PPARGC1A: variants seen among roughly 807,000 people sequenced by gnomAD.
PPARGC1A encodes the protein PPARG coactivator 1 alpha.
Under a neutral mutation model 88.7 loss-of-function variants are expected in PPARGC1A, and 25 were observed. That is an observed-to-expected ratio of 0.28 (90% CI 0.21 to 0.39). The LOEUF is 0.39. PPARGC1A is among the 10% of genes least tolerant of loss of function. PPARGC1A has a pLI of 1.00. For synonymous variants in PPARGC1A, 363 were observed against 355.6 expected, an observed-to-expected ratio of 1.02 and a Z score of -0.24; for missense variants, 880 against 968.7, an observed-to-expected ratio of 0.91 and a Z score of 1.22.
the PPARGC1A span, among the ~76,000 whole-genome samples, chr4:24,457,122 G>C: frequency 1.3e-5 from 2 of 152,172 alleles, no homozygotes; most frequent in African/African-American, 4.8e-5. Flanking sequence ...AGTTTTGCAG[G>C]ATTATGGCAA....
At chr4:24,031,548 G>A in the PPARGC1A span, among the ~76,000 whole-genome samples, 2,501 of 152,264 alleles carry the variant, frequency 0.016, 73 homozygotes, top group African/African-American at 0.057. Context: ...TAGTTGACCC[G>A]AAAACACAAG....
At chr4:24,142,521 A>C in the PPARGC1A span, among the ~76,000 whole-genome samples, 4 of 152,056 alleles carry the variant, frequency 2.6e-5, no homozygotes, top group Admixed American at 6.6e-5. Context: ...TAAAAATACA[A>C]AAATGAGTCA....
chr4:24,249,831 G>T, the PPARGC1A span, among the ~76,000 whole-genome samples: 5 of 152,124 alleles, frequency 3.3e-5, no homozygotes, highest in South Asian at 1.0e-3. Flanking sequence ...AGGTGAAGGG[G>T]GTTGCTGTAA....
chr4:24,368,527 A>C, the PPARGC1A span, among the ~76,000 whole-genome samples: 1 of 152,134 alleles, frequency 6.6e-6, no homozygotes, highest in East Asian at 1.9e-4. Flanking sequence ...GCAATAATGG[A>C]ATCAAATTTG....
chr4:24,455,873 T>A, the PPARGC1A span, among the ~76,000 whole-genome samples: 1 of 152,218 alleles, frequency 6.6e-6, no homozygotes, highest in Non-Finnish European at 1.5e-5. Context: ...GAAATAAATC[T>A]CTGTTTTTTA....
At chr4:24,005,871 C>T in the PPARGC1A span, among the ~76,000 whole-genome samples, 3 of 151,926 alleles carry the variant, frequency 2.0e-5, no homozygotes, top group Non-Finnish European at 4.4e-5. Flanking sequence ...GGGTCGGGGG[C>T]TCAGATTAAG....
At chr4:24,451,779 C>T in the PPARGC1A span, among the ~76,000 whole-genome samples, 2 of 152,096 alleles carry the variant, frequency 1.3e-5, no homozygotes, top group African/African-American at 2.4e-5. Flanking sequence ...GGTTTCACCA[C>T]GTTGGCCAGG....
At chr4:23,880,238 T>C (rs1715657888) in intron 2 of PPARGC1A, among the ~76,000 whole-genome samples, 1 of 152,224 alleles carries the variant, frequency 6.6e-6, no homozygotes. Flanking sequence ...TACACAGCCT[T>C]GCATGGTTTC....
At chr4:24,243,402 T>C in the PPARGC1A span, among the ~76,000 whole-genome samples, 2 of 152,108 alleles carry the variant, frequency 1.3e-5, no homozygotes, top group African/African-American at 4.8e-5. Flanking sequence ...GGAGAAGACA[T>C]ATGGAATGCA....
chr4:23,926,215 C>G, the PPARGC1A span, among the ~76,000 whole-genome samples: 17 of 152,272 alleles, frequency 1.1e-4, no homozygotes, highest in East Asian at 9.7e-4. Flanking sequence ...CCCAGAGTCT[C>G]AGAGACAGCT....
chr4:23,869,092 C>T (rs1712697089), intron 2 of PPARGC1A, among the ~76,000 whole-genome samples: 1 of 152,154 alleles, frequency 6.6e-6, no homozygotes, highest in South Asian at 2.1e-4. Context: ...TGAAAAGGCT[C>T]ACCACTGGCA....
the PPARGC1A span, among the ~76,000 whole-genome samples, chr4:24,311,083 ATTCTTTTTT>A: frequency 1.7e-5 from 2 of 116,112 alleles, no homozygotes; most frequent in African/African-American, 3.2e-5. Flanking sequence ...TTATATAATA[ATTCTTTTTT>A]TTTTTTTTTT....
At chr4:24,081,744 T>A in the PPARGC1A span, among the ~76,000 whole-genome samples, 1 of 123,434 alleles carries the variant, frequency 8.1e-6, no homozygotes, top group African/African-American at 4.5e-5. Flanking sequence ...AAGAACACAA[T>A]TTTTTTTTTT....
At chr4:23,850,665 T>A (rs2148661993) in intron 2 of PPARGC1A, among the ~76,000 whole-genome samples, 1 of 152,300 alleles carries the variant, frequency 6.6e-6, no homozygotes, top group Non-Finnish European at 1.5e-5. Flanking sequence ...ATTGATACGC[T>A]CTTGCTGTGC....
chr4:24,461,788 G>A, the PPARGC1A span, among the ~76,000 whole-genome samples: 1 of 152,054 alleles, frequency 6.6e-6, no homozygotes, highest in Non-Finnish European at 1.5e-5. Flanking sequence ...CTTTCCTTCT[G>A]CCTCAAATGT....
intron 4 of PPARGC1A, among the ~76,000 whole-genome samples, 177 bp from the exon 5 acceptor site, chr4:23,828,781 T>G (rs1033530418): frequency 5.3e-5 from 8 of 152,206 alleles, no homozygotes; most frequent in African/African-American, 1.9e-4. Context: ...TTAAAATTCC[T>G]AAATGACATT....
chr4:24,420,149 C>G, the PPARGC1A span, among the ~76,000 whole-genome samples: 1 of 152,170 alleles, frequency 6.6e-6, no homozygotes, highest in Admixed American at 6.5e-5. Flanking sequence ...TTACAGATGA[C>G]AGCTTAAATA....
At chr4:24,247,625 C>T in the PPARGC1A span, among the ~76,000 whole-genome samples, 1 of 152,186 alleles carries the variant, frequency 6.6e-6, no homozygotes, top group East Asian at 1.9e-4. Context: ...CACATATTGC[C>T]AATTCCAAAG....
chr4:24,355,633 T>C, the PPARGC1A span, among the ~76,000 whole-genome samples: 2 of 152,152 alleles, frequency 1.3e-5, no homozygotes, highest in Non-Finnish European at 2.9e-5. Flanking sequence ...TTGTTGTTAT[T>C]GTTTCAACAA....
Sources: gnomAD v4.1 joint callset for allele counts (sites outside exome capture counted in the v4.1 genomes callset) on GRCh38, gnomAD v4.1.1 for gene constraint, MANE v1.5 for transcripts, NCBI Gene and HGNC (gene_info 2026-07-23, HGNC 2026-07-21) for gene names.